The following GALNT10 variants were observed in gnomAD, a reference collection of about 807,000 sequenced individuals.
GALNT10 encodes the protein GalNAc transferase 10.
In GALNT10, 41 loss-of-function variants were observed where a neutral mutation model predicts 75.0. The ratio of observed to expected loss-of-function variants is 0.55; its 90% confidence interval spans 0.43 to 0.71. The LOEUF is 0.71. GALNT10 is among the 30% of genes least tolerant of loss of function. The pLI is 0.00. For missense variants in GALNT10, 727 were observed against 818.5 expected (o/e 0.89, Z 1.36); for synonymous variants, 302 against 313.0 (o/e 0.96, Z 0.37).
intron 4 of GALNT10, among the ~76,000 whole-genome samples, chr5:154,354,645 C>G (rs1395236867): frequency 6.6e-6 from 1 of 152,158 alleles, no homozygotes; most frequent in Admixed American, 6.5e-5. Context: ...CTCCCTGTGA[C>G]CTGATTCAGG....
In GALNT10 at chr5:154,412,165, C is replaced by T. The variant is rs994822410; in HGVS notation, c.1387-724C>T. Among the ~76,000 whole-genome samples the T allele has an allele frequency of 2.0e-5, 3 of 152,206 alleles. No individual in the cohort carries two copies. The highest frequency in any genetic ancestry group is 4.4e-5 in the Non-Finnish European group (3 of 68,038). Reference sequence around the variant, plus strand: ...GGTGCATTTTCATAGCCACCACAGCCCCCTATCCCTCAGATAAAGTAGGAT... The same window carrying T: ...GGTGCATTTTCATAGCCACCACAGCTCCCTATCCCTCAGATAAAGTAGGAT... On this transcript the variant is annotated intron_variant, in intron 9 of 11. Coordinates refer to ENST00000297107, the MANE Select transcript of GALNT10 (RefSeq NM_198321.4). The surrounding 1 kb of genome is among the most constrained non-coding windows in gnomAD (Gnocchi z 4.2).
At chr5:154,233,112 T>TA (rs904213982) in intron 1 of GALNT10, among the ~76,000 whole-genome samples, 4 of 152,146 alleles carry the variant, frequency 2.6e-5, no homozygotes, top group African/African-American at 9.7e-5. Context: ...AAGATTGTTA[T>TA]AAAAAAATTT....
chr5:154,217,107 G>C (rs777591046), intron 1 of GALNT10, among the ~76,000 whole-genome samples: 33 of 152,130 alleles, frequency 2.2e-4, no homozygotes, highest in Non-Finnish European at 1.2e-4. Context: ...GAAAGCCTTG[G>C]ATGATAAATT....
intron 4 of GALNT10, among the ~76,000 whole-genome samples, chr5:154,358,490 C>T (rs1374885822): frequency 2.0e-5 from 3 of 152,106 alleles, no homozygotes; most frequent in Non-Finnish European, 4.4e-5. Context: ...GAAACTGAAG[C>T]TTAGAGAAAT....
chr5:154,362,366 G>A (rs1329822777), intron 4 of GALNT10, among the ~76,000 whole-genome samples: 1 of 152,086 alleles, frequency 6.6e-6, no homozygotes, highest in African/African-American at 2.4e-5. Flanking sequence ...ACCACATTGT[G>A]GAGTTCTCTC....
intron 1 of GALNT10, among the ~76,000 whole-genome samples, chr5:154,274,930 G>C (rs116211209): frequency 6.6e-6 from 1 of 152,262 alleles, no homozygotes; most frequent in African/African-American, 2.4e-5. Context: ...TATTTCTGCA[G>C]TGCCTTACAC....
chr5:154,241,332 G>T (rs1009875368), intron 1 of GALNT10, among the ~76,000 whole-genome samples: 1 of 152,068 alleles, frequency 6.6e-6, no homozygotes. Context: ...GGCAGAGAGG[G>T]GTGGGGTATA....
intron 1 of GALNT10, among the ~76,000 whole-genome samples, chr5:154,225,293 C>T (rs1193548902): frequency 1.3e-5 from 2 of 151,688 alleles, no homozygotes; most frequent in African/African-American, 4.8e-5. Flanking sequence ...GGGATTTCAC[C>T]CTGTTAGCCA....
chr5:154,222,175 G>C (rs1425617513), intron 1 of GALNT10, among the ~76,000 whole-genome samples: 1 of 150,470 alleles, frequency 6.6e-6, no homozygotes, highest in Non-Finnish European at 1.5e-5. Context: ...TTCTGGATGA[G>C]TTTACATTTT....
In GALNT10 at chr5:154,303,036, C is replaced by T. The variant is rs138253191; in HGVS notation, c.401+4957C>T. ...ATAATAGTGCCCCAATTGGAACATA[C>T]ACATAGGTATAAAATCACATTTGGG... On this transcript the variant is annotated intron_variant, in intron 3 of 11. Transcript: ENST00000297107. Among the ~76,000 whole-genome samples the T allele has an allele frequency of 1.9e-3, 294 of 152,136 alleles. 1 individual carries two copies. Among genetic ancestry groups the T allele is most frequent in the African/African-American group, 7.0e-3 (290 of 41,504 alleles).
chr5:154,294,452 CT>C (rs1486338313), intron 1 of GALNT10, among the ~76,000 whole-genome samples: 1 of 152,214 alleles, frequency 6.6e-6, no homozygotes, highest in East Asian at 1.9e-4. Flanking sequence ...ACTTCACCTA[CT>C]TTTTTAAATG....
At chr5:154,322,251 GCTGT>G (rs1222371369) in intron 3 of GALNT10, among the ~76,000 whole-genome samples, 1 of 152,014 alleles carries the variant, frequency 6.6e-6, no homozygotes, top group South Asian at 2.1e-4. Context: ...CTGTTCCCTG[GCTGT>G]CTATCAGCTG....
At position 154,386,350 on chromosome 5, in the gene GALNT10, CG is replaced by C; in HGVS notation, c.978del (p.Lys327SerfsTer113). 1 of 1,614,038 alleles carries C rather than the reference CG, an allele frequency of 6.2e-7. No individual in the cohort carries two copies. Among genetic ancestry groups the C allele is most frequent in the East Asian group, 2.2e-5 (1 of 44,862 alleles). ...GGCCGGTGGACTGTTCGCCGTGGAT[CG>C]GAAGTGGTTCTGGGAACTCGGCGGG... is the stretch of plus-strand genomic sequence containing the variant. ...VMAGGLFAVD[R>X]KWFWELGGYD... is the part of the protein sequence containing the mutation. On this transcript the variant is annotated frameshift_variant, in exon 7 of 12. Transcript: ENST00000297107. LOFTEE classifies it high-confidence loss of function.
intron 1 of GALNT10, among the ~76,000 whole-genome samples, chr5:154,272,974 T>G (rs1753893084): frequency 6.6e-6 from 1 of 151,958 alleles, no homozygotes; most frequent in South Asian, 2.1e-4. Context: ...TGGAGGTGGA[T>G]CTGCAGTTTC....
At chr5:154,292,109 G>A (rs1326460492) in intron 1 of GALNT10, among the ~76,000 whole-genome samples, 6 of 152,224 alleles carry the variant, frequency 3.9e-5, no homozygotes, top group Admixed American at 2.0e-4. Flanking sequence ...TTTGGCCCAC[G>A]GGCCTCAGGG....
rs1252215886 is a variant in GALNT10, at chr5:154,415,806, G to C, written c.1527G>C (p.Glu509Asp). The C allele has an allele frequency of 6.2e-7, 1 of 1,614,134 alleles. No individual in the cohort carries two copies. Among genetic ancestry groups the C allele is most frequent in the Non-Finnish European group, 8.5e-7 (1 of 1,180,002 alleles). Residue 509 changes from glutamate (E) to aspartate (D), a missense_variant, in exon 11 of 12, where the codon GAG (glutamate) becomes GAC (aspartate). Physicochemically the swap from Glu to Asp is conservative, Grantham distance 45. Coordinates refer to ENST00000297107, the MANE Select transcript of GALNT10 (RefSeq NM_198321.4). ...NMQVFTFTWREDIRPGDPQHT... is the reference protein window; with the variant it reads ...NMQVFTFTWRDDIRPGDPQHT... ...AGGTATTCACCTTCACCTGGAGAGA[G>C]GACATCCGGCCTGGAGACCCCCAGC... is the stretch of plus-strand genomic sequence containing the variant.
chr5:154,399,207 A>G (rs1323316272), intron 7 of GALNT10, among the ~76,000 whole-genome samples: 1 of 152,056 alleles, frequency 6.6e-6, no homozygotes, highest in African/African-American at 2.4e-5. Context: ...GATGGTCACT[A>G]CCTCTGCTGT....
At chr5:154,281,095 G>T (rs962261731) in intron 1 of GALNT10, among the ~76,000 whole-genome samples, 9 of 152,140 alleles carry the variant, frequency 5.9e-5, no homozygotes, top group Non-Finnish European at 1.5e-5. Flanking sequence ...CATTTTTCCA[G>T]GTCTGTTGAA....
chr5:154,354,816 C>A (rs12717885), intron 4 of GALNT10, among the ~76,000 whole-genome samples: 68 of 152,122 alleles, frequency 4.5e-4, no homozygotes, highest in African/African-American at 1.6e-3. Context: ...AAAAGAGATG[C>A]CATTGTAGCT....
Sources: gnomAD v4.1 joint callset for allele counts (sites outside exome capture counted in the v4.1 genomes callset) on GRCh38, gnomAD v4.1.1 for gene constraint, Gnocchi (gnomAD v3.1) non-coding constraint, MANE v1.5 for transcripts, NCBI Gene and HGNC (gene_info 2026-07-23, HGNC 2026-07-21) for gene names.